CPA6: variants seen among roughly 807,000 people sequenced by gnomAD.
CPA6 encodes the protein carboxypeptidase A6, also known as carboxypeptidase B.
In CPA6, 58 loss-of-function variants were observed where a neutral mutation model predicts 63.3. The ratio of observed to expected loss-of-function variants is 0.92; its 90% confidence interval spans 0.74 to 1.14. CPA6 has a LOEUF of 1.14. Among genes scored for constraint, CPA6 ranks in the 50% most tolerant of loss-of-function variants. CPA6 has a pLI of 0.00. For missense variants in CPA6, 565 were observed against 526.6 expected, an observed-to-expected ratio of 1.07 and a Z score of -0.71; for synonymous variants, 185 against 179.0, an observed-to-expected ratio of 1.03 and a Z score of -0.27.
intron 1 of CPA6, among the ~76,000 whole-genome samples, chr8:67,711,805 T>C (rs923526322): frequency 6.6e-6 from 1 of 151,748 alleles, no homozygotes; most frequent in African/African-American, 2.4e-5. Flanking sequence ...CCATTCAGCA[T>C]TGTAAGTTTT....
chr8:67,672,610 C>G (rs1251695603), intron 1 of CPA6, among the ~76,000 whole-genome samples: 1 of 152,204 alleles, frequency 6.6e-6, no homozygotes, highest in Admixed American at 6.5e-5. Flanking sequence ...GAGGAGGTTT[C>G]TCATAGAGCT....
intron 2 of CPA6, among the ~76,000 whole-genome samples, chr8:67,605,847 A>C (rs1162293281): frequency 6.6e-6 from 1 of 152,118 alleles, no homozygotes; most frequent in Admixed American, 6.5e-5. Context: ...TTCAGTTTAC[A>C]GATCCACTAT....
chr8:67,548,786 A>T (rs957572356), intron 2 of CPA6, among the ~76,000 whole-genome samples: 2 of 152,198 alleles, frequency 1.3e-5, no homozygotes, highest in Non-Finnish European at 2.9e-5. Context: ...GGGATTTCCC[A>T]CTGCCTCTGC....
chr8:67,737,918 T>C (rs912669827), intron 1 of CPA6, among the ~76,000 whole-genome samples: 5 of 152,216 alleles, frequency 3.3e-5, no homozygotes, highest in Non-Finnish European at 7.3e-5. Context: ...TTTACCTTTA[T>C]GGAGTTCTGC....
intron 2 of CPA6, among the ~76,000 whole-genome samples, chr8:67,591,205 G>A (rs1289967277): frequency 2.0e-5 from 3 of 152,112 alleles, no homozygotes; most frequent in East Asian, 3.8e-4. Flanking sequence ...TAGATATGCG[G>A]CATTATTTCT....
intron 2 of CPA6, among the ~76,000 whole-genome samples, chr8:67,540,244 T>C (rs540660850): frequency 6.6e-6 from 1 of 152,168 alleles, no homozygotes; most frequent in Non-Finnish European, 1.5e-5. Context: ...GTTAGTTTTT[T>C]CCCCAACAGT....
intron 1 of CPA6, among the ~76,000 whole-genome samples, chr8:67,637,720 T>A (rs1356770529): frequency 2.6e-5 from 4 of 151,460 alleles, no homozygotes; most frequent in African/African-American, 7.4e-5. Flanking sequence ...GGCAACTGTT[T>A]CATAAACTAC....
chr8:67,644,620 G>T (rs548120190), intron 1 of CPA6, among the ~76,000 whole-genome samples: 1 of 152,156 alleles, frequency 6.6e-6, no homozygotes, highest in Non-Finnish European at 1.5e-5. Context: ...TCTGTGCACC[G>T]GAACTTGAAG....
intron 1 of CPA6, among the ~76,000 whole-genome samples, chr8:67,644,059 G>A (rs913030027): frequency 6.6e-6 from 1 of 152,084 alleles, no homozygotes; most frequent in Middle Eastern, 3.4e-3. Flanking sequence ...GATTGAGGGG[G>A]GTTGGCAGTA....
chr8:67,597,415 C>T (rs565353301), intron 2 of CPA6, among the ~76,000 whole-genome samples: 27 of 152,084 alleles, frequency 1.8e-4, no homozygotes, highest in Non-Finnish European at 2.5e-4. Flanking sequence ...AGGAGAGTCT[C>T]GATCTCTTGA....
intron 1 of CPA6, among the ~76,000 whole-genome samples, chr8:67,704,704 G>T (rs1276679275): frequency 1.3e-5 from 2 of 152,154 alleles, no homozygotes; most frequent in African/African-American, 4.8e-5. Context: ...CAAAGTTAAG[G>T]TACACGGTAA....
chr8:67,607,183 CTT>C (rs1178221189), intron 2 of CPA6, among the ~76,000 whole-genome samples: 1 of 26,086 alleles, frequency 3.8e-5, no homozygotes. Flanking sequence ...TCTTCTTCTT[CTT>C]CTTCTTCTTC....
At chr8:67,574,592 T>C (rs549244974) in intron 2 of CPA6, among the ~76,000 whole-genome samples, 15 of 152,254 alleles carry the variant, frequency 9.9e-5, no homozygotes, top group Admixed American at 2.6e-4. Flanking sequence ...TCTGTTCCTC[T>C]ATGGTCAATG....
At chr8:67,567,505 AT>A (rs746770791) in intron 2 of CPA6, among the ~76,000 whole-genome samples, 19 of 152,202 alleles carry the variant, frequency 1.2e-4, no homozygotes, top group Non-Finnish European at 2.6e-4. Context: ...CAGTTTTGTA[AT>A]GCTTTTTGTC....
At chr8:67,672,375 T>C (rs1816367296) in intron 1 of CPA6, among the ~76,000 whole-genome samples, 1 of 152,220 alleles carries the variant, frequency 6.6e-6, no homozygotes, top group Admixed American at 6.5e-5. Flanking sequence ...ATTGCCATTA[T>C]ATTCCTGTGC....
chr8:67,564,215 A>G (rs1052299358), intron 2 of CPA6, among the ~76,000 whole-genome samples: 3 of 152,136 alleles, frequency 2.0e-5, no homozygotes, highest in Admixed American at 6.5e-5. Flanking sequence ...GCACTAGGCA[A>G]CTGGTCTCTG....
At chr8:67,516,798 C>G (rs1371150018) in intron 3 of CPA6, among the ~76,000 whole-genome samples, 6 of 151,792 alleles carry the variant, frequency 4.0e-5, no homozygotes, top group Non-Finnish European at 8.8e-5. Context: ...TTGCTCTTTT[C>G]TTTTTTTTGA....
intron 1 of CPA6, among the ~76,000 whole-genome samples, chr8:67,716,925 G>T (rs951244142): frequency 6.6e-6 from 1 of 152,158 alleles, no homozygotes; most frequent in Admixed American, 6.5e-5. Flanking sequence ...TATATAGTTA[G>T]CAGCATACCA....
At chr8:67,610,426 TCCC>T (rs1335196762) in intron 2 of CPA6, among the ~76,000 whole-genome samples, 3 of 152,042 alleles carry the variant, frequency 2.0e-5, no homozygotes, top group African/African-American at 7.2e-5. Context: ...TGTTACCATT[TCCC>T]CCCAAGTCTC....
Sources: allele counts gnomAD v4.1 joint callset (sites outside exome capture counted in the v4.1 genomes callset), GRCh38; gene constraint gnomAD v4.1.1; transcripts MANE v1.5; gene names NCBI Gene and HGNC (gene_info 2026-07-23, HGNC 2026-07-21).